Variants in GABRG3 observed in about 807,000 individuals in gnomAD.
The protein encoded by GABRG3 is gamma-aminobutyric acid type A receptor subunit gamma3, also known as gamma-aminobutyric acid receptor subunit gamma-3.
Under a neutral mutation model 48.8 loss-of-function variants are expected in GABRG3, and 25 were observed. The observed-to-expected ratio is 0.51, with a 90% CI of 0.37 to 0.72. The LOEUF is 0.72. Ranked by LOEUF, GABRG3 falls within the 30% of genes least tolerant of loss-of-function variation. The pLI is 0.00. For missense variants in GABRG3, 394 were observed against 577.9 expected (o/e 0.68, Z 3.26); for synonymous variants, 227 against 217.6 (o/e 1.04, Z -0.38).
chr15:27,145,603 CTCTATCTATCTA>C (rs140259026), intron 3 of GABRG3, among the ~76,000 whole-genome samples: 132 of 102,386 alleles, frequency 1.3e-3, no homozygotes, highest in East Asian at 3.0e-3. Flanking sequence ...ATATATCTAT[CTCTATCTATCTA>C]TCTATCTATC....
At chr15:27,402,721 T>C (rs1887510525) in intron 5 of GABRG3, among the ~76,000 whole-genome samples, 1 of 152,234 alleles carries the variant, frequency 6.6e-6, no homozygotes, top group Non-Finnish European at 1.5e-5. Flanking sequence ...CCCCAAATTA[T>C]GTTTACAAAT....
intron 3 of GABRG3, chr15:27,208,172 A>C (rs896413260): frequency 6.1e-6 from 1 of 162,720 alleles, no homozygotes; most frequent in South Asian, 1.6e-4. Context: ...CTGATCTCAC[A>C]GTTCTGCCTC....
intron 5 of GABRG3, among the ~76,000 whole-genome samples, chr15:27,432,317 A>G (rs1409669820): frequency 6.6e-6 from 1 of 152,220 alleles, no homozygotes; most frequent in African/African-American, 2.4e-5. Flanking sequence ...TTATAAGCCC[A>G]TAAACACGTT....
At chr15:27,232,864 C>T (rs1378100) in intron 3 of GABRG3, among the ~76,000 whole-genome samples, 27,815 of 152,114 alleles carry the variant, frequency 0.18, 3,555 homozygotes, top group East Asian at 0.41. Flanking sequence ...AATTTGTTCC[C>T]GTGATCTCTT....
chr15:27,167,107 C>T (rs1482078735), intron 3 of GABRG3, among the ~76,000 whole-genome samples: 1 of 152,168 alleles, frequency 6.6e-6, no homozygotes, highest in Admixed American at 6.5e-5. Flanking sequence ...CCTGTGTCCC[C>T]GGCTACTGCA....
Position 27,216,750 on chromosome 15 carries a change from T to TTTATTTATTTATTTA in GABRG3, c.271-110057_271-110056insATTTATTTATTTATT, listed in dbSNP as rs1889264680. On this transcript the variant is annotated intron_variant, in intron 3 of 9. Coordinates refer to ENST00000615808, the MANE Select transcript of GABRG3 (RefSeq NM_033223.5). Reference sequence around the variant, plus strand: ...ATTCATTTCTTTTTTTTTTTTTATTTTTTATTTATTTATTTATTTATTTTT... The same window carrying TTTATTTATTTATTTA: ...ATTCATTTCTTTTTTTTTTTTTATTTTTATTTATTTATTTATTTATTTATTTATTTATTTATTTTT... Among the ~76,000 whole-genome samples, 48 of 125,866 alleles carry TTTATTTATTTATTTA rather than the reference T, an allele frequency of 3.8e-4. 1 individual carries two copies. In the East Asian group the frequency reaches 7.4e-3, roughly 20 times the overall value. The allele number at this position is 125,866 out of a possible 152,430, so 82.6% of individuals were successfully genotyped here. A position where few individuals can be genotyped will look rare whatever the true frequency, so the allele number is the denominator to read the frequency against.
chr15:27,283,200 C>T (rs926810980), intron 3 of GABRG3, among the ~76,000 whole-genome samples: 1 of 152,160 alleles, frequency 6.6e-6, no homozygotes, highest in Admixed American at 6.5e-5. Context: ...CTGCCAGCAC[C>T]ATGAAGGGGT....
chr15:27,221,241 G>C (rs901188461), intron 3 of GABRG3, among the ~76,000 whole-genome samples: 3 of 152,048 alleles, frequency 2.0e-5, no homozygotes, highest in African/African-American at 2.4e-5. Flanking sequence ...GTAGACATTT[G>C]CTATGCTCCT....
At chr15:27,370,703 G>A (rs1222386372) in intron 5 of GABRG3, among the ~76,000 whole-genome samples, 2 of 152,210 alleles carry the variant, frequency 1.3e-5, no homozygotes, top group Non-Finnish European at 2.9e-5. Flanking sequence ...GATAAAACAA[G>A]CCTGCAATGA....
At chr15:27,430,262 T>A (rs562271754) in intron 5 of GABRG3, among the ~76,000 whole-genome samples, 4 of 152,232 alleles carry the variant, frequency 2.6e-5, no homozygotes, top group African/African-American at 9.6e-5. Flanking sequence ...ATTTTTATTG[T>A]TGAGTTGTAA....
chr15:26,978,914 T>A (rs1895001603), intron 2 of GABRG3, among the ~76,000 whole-genome samples: 1 of 152,168 alleles, frequency 6.6e-6, no homozygotes, highest in Non-Finnish European at 1.5e-5. Context: ...TAGATATCAA[T>A]CTGGAAAGAA....
chr15:27,368,954 G>A (rs1353006512), intron 5 of GABRG3, among the ~76,000 whole-genome samples: 1 of 152,148 alleles, frequency 6.6e-6, no homozygotes, highest in Non-Finnish European at 1.5e-5. Flanking sequence ...ATAGTCAAGG[G>A]CCAGGTAATA....
At chr15:27,309,990 A>G (rs746551540) in intron 3 of GABRG3, among the ~76,000 whole-genome samples, 1 of 152,140 alleles carries the variant, frequency 6.6e-6, no homozygotes, top group Non-Finnish European at 1.5e-5. Context: ...ATAAAAAATA[A>G]TGAACTTTTA....
At chr15:27,323,423 G>A (rs1456656354) in intron 3 of GABRG3, among the ~76,000 whole-genome samples, 6 of 152,088 alleles carry the variant, frequency 3.9e-5, no homozygotes, top group Middle Eastern at 3.2e-3. Flanking sequence ...CATCCTTCTC[G>A]TCTCGTTCCT....
chr15:27,316,562 A>C (rs1424989221), intron 3 of GABRG3, among the ~76,000 whole-genome samples: 1 of 152,178 alleles, frequency 6.6e-6, no homozygotes, highest in African/African-American at 2.4e-5. Flanking sequence ...TAGTAACTGC[A>C]CGGTAAATGT....
intron 3 of GABRG3, among the ~76,000 whole-genome samples, chr15:27,177,176 A>T (rs1295419885): frequency 6.6e-6 from 1 of 152,148 alleles, no homozygotes; most frequent in Non-Finnish European, 1.5e-5. Flanking sequence ...GTGCTGAGTC[A>T]ATTTCTTGGG....
At chr15:27,146,873 G>C (rs970405778) in intron 3 of GABRG3, among the ~76,000 whole-genome samples, 3 of 151,716 alleles carry the variant, frequency 2.0e-5, no homozygotes, top group African/African-American at 7.3e-5. Context: ...AAAAGTAAAG[G>C]AATAGAACAA....
intron 3 of GABRG3, among the ~76,000 whole-genome samples, chr15:27,253,400 G>T (rs1356398979): frequency 1.3e-5 from 2 of 152,122 alleles, no homozygotes; most frequent in Non-Finnish European, 2.9e-5. Flanking sequence ...CCTTAGCGTG[G>T]AGGCTGCTTG....
At chr15:27,148,893 A>G (rs1898258961) in intron 3 of GABRG3, among the ~76,000 whole-genome samples, 1 of 152,056 alleles carries the variant, frequency 6.6e-6, no homozygotes, top group African/African-American at 2.4e-5. Context: ...CTAATATCAT[A>G]CTTAATAATA....
Sources: allele counts gnomAD v4.1 joint callset (sites outside exome capture counted in the v4.1 genomes callset), GRCh38; gene constraint gnomAD v4.1.1; transcripts MANE v1.5; gene names NCBI Gene and HGNC (gene_info 2026-07-23, HGNC 2026-07-21).